The following GLDN variants were observed in gnomAD, a reference collection of about 807,000 sequenced individuals.
GLDN encodes the protein collomin.
A neutral mutation model predicts 56.5 loss-of-function variants in GLDN; 47 were observed. That is an observed-to-expected ratio of 0.83 (90% confidence interval 0.66 to 1.06). GLDN has a LOEUF of 1.06. GLDN is among the 50% of genes least tolerant of loss of function. The pLI, the probability that GLDN is intolerant of heterozygous loss-of-function variation, is 0.00. For synonymous variants in GLDN, 332 were observed against 278.8 expected (o/e 1.19, Z -1.90); for missense variants, 782 against 714.3 (o/e 1.09, Z -1.08).
At chr15:51,395,084 C>A in intron 5 of GLDN, 103 bp downstream of exon 5, 1 of 1,158,792 alleles carries the variant, frequency 8.6e-7, no homozygotes, top group Non-Finnish European at 1.2e-6. Context: ...CCTTTATGGC[C>A]TTATGTGGCC....
At chr15:51,394,044 C>T (rs2038073800) in intron 4 of GLDN, among the ~76,000 whole-genome samples, 1 of 152,216 alleles carries the variant, frequency 6.6e-6, no homozygotes, top group East Asian at 1.9e-4. Flanking sequence ...TCTGACTTGG[C>T]AGCATCTGTT....
chr15:51,350,360 G>C (rs1021085646), intron 1 of GLDN, among the ~76,000 whole-genome samples: 7 of 152,178 alleles, frequency 4.6e-5, no homozygotes, highest in African/African-American at 1.7e-4. Context: ...GGGGTTGGGG[G>C]AGCTGATGAG....
At position 51,341,987 on chromosome 15, in the gene GLDN, G is replaced by A. The variant is rs546818144; in HGVS notation, c.303G>A (p.Ala101=). 6.3e-7 allele frequency: 1 copy of A among 1,597,740 alleles called. No homozygotes were observed. The highest frequency in any genetic ancestry group is 1.1e-5 in the South Asian group (1 of 91,050). Residue 101 remains alanine, a synonymous_variant, in exon 1 of 10, where the codon GCG becomes GCA. Coordinates refer to ENST00000335449, the MANE Select transcript of GLDN (RefSeq NM_181789.4). The part of the protein sequence containing the change: ...RNKRSHSGEP[A]PHIRAESHDM... ...AGCGCAGCCACAGCGGCGAGCCCGC[G>A]CCGCATATCCGCGCCGAGAGCCATG...
At chr15:51,369,582 C>G (rs574346849) in intron 1 of GLDN, among the ~76,000 whole-genome samples, 1 of 152,286 alleles carries the variant, frequency 6.6e-6, no homozygotes, top group South Asian at 2.1e-4. Context: ...AAGAGAGCAG[C>G]CAGCCAAACA....
chr15:51,387,799 C>T (rs76175634), intron 4 of GLDN, among the ~76,000 whole-genome samples: 3,954 of 152,136 alleles, frequency 0.026, 191 homozygotes, highest in African/African-American at 0.092. Flanking sequence ...TGGGGTGTGC[C>T]CTCTAGCAAC....
intron 1 of GLDN, among the ~76,000 whole-genome samples, chr15:51,344,424 C>A (rs949864685): frequency 2.0e-5 from 3 of 152,304 alleles, no homozygotes; most frequent in African/African-American, 7.2e-5. Flanking sequence ...TTCAGCTTCA[C>A]AGTTTTCCTC....
At chr15:51,397,417 T>C in intron 5 of GLDN, 53 bp from the exon 6 acceptor site, 4 of 846,952 alleles carry the variant, frequency 4.7e-6, no homozygotes, top group Admixed American at 4.4e-5. Context: ...TCTCTCCCCT[T>C]CCCCCTTCTA....
At chr15:51,399,042 C>A (rs1408802743) in intron 6 of GLDN, among the ~76,000 whole-genome samples, 2 of 152,172 alleles carry the variant, frequency 1.3e-5, no homozygotes, top group South Asian at 4.1e-4. Context: ...CTTTGGTTGC[C>A]AAGCATTTGC....
chr15:51,399,076 G>A (rs749053438), intron 6 of GLDN, among the ~76,000 whole-genome samples: 27 of 152,136 alleles, frequency 1.8e-4, no homozygotes, highest in Non-Finnish European at 2.8e-4. Context: ...CCTCTCTCCT[G>A]CTCCAACTCC....
chr15:51,349,628 C>T (rs1184102007), intron 1 of GLDN, among the ~76,000 whole-genome samples: 1 of 152,224 alleles, frequency 6.6e-6, no homozygotes, highest in Non-Finnish European at 1.5e-5. Flanking sequence ...TGAATAGTTG[C>T]AGCAGAGACC....
intron 1 of GLDN, among the ~76,000 whole-genome samples, chr15:51,355,446 G>C (rs532918966): frequency 6.6e-6 from 1 of 152,096 alleles, no homozygotes; most frequent in East Asian, 1.9e-4. Flanking sequence ...GAGCAGTGAA[G>C]ATGACCAGAT....
chr15:51,344,215 T>G (rs2036937231), intron 1 of GLDN, among the ~76,000 whole-genome samples: 1 of 152,198 alleles, frequency 6.6e-6, no homozygotes, highest in South Asian at 2.1e-4. Flanking sequence ...CCAGAGATTC[T>G]GAATTAATTT....
intron 1 of GLDN, among the ~76,000 whole-genome samples, chr15:51,365,050 G>C (rs2037372824): frequency 6.6e-6 from 1 of 152,156 alleles, no homozygotes; most frequent in Non-Finnish European, 1.5e-5. Flanking sequence ...TTCAACAAAT[G>C]GCTCTAAAAT....
At chr15:51,386,096 C>G (rs2037885416) in intron 4 of GLDN, among the ~76,000 whole-genome samples, 1 of 152,130 alleles carries the variant, frequency 6.6e-6, no homozygotes, top group South Asian at 2.1e-4. Flanking sequence ...TGACCCCAAT[C>G]CTTGGTTTCT....
intron 4 of GLDN, chr15:51,384,816 C>T (rs2037853195): frequency 6.6e-6 from 1 of 152,268 alleles, no homozygotes; most frequent in Non-Finnish European, 1.5e-5. Flanking sequence ...GGAGACTCCA[C>T]TGCACCATCT....
intron 1 of GLDN, among the ~76,000 whole-genome samples, chr15:51,374,926 A>G (rs931163653): frequency 1.3e-5 from 2 of 151,868 alleles, no homozygotes; most frequent in Non-Finnish European, 2.9e-5. Flanking sequence ...TTCATGGAGA[A>G]AGGGTCTTAC....
chr15:51,391,171 C>T (rs56158617), intron 4 of GLDN, among the ~76,000 whole-genome samples: 5,884 of 152,222 alleles, frequency 0.039, 263 homozygotes, highest in African/African-American at 0.094. Context: ...ATTTCCCAAC[C>T]ACAGTAAAAC....
chr15:51,399,876 C>G (rs1026052356), intron 6 of GLDN, among the ~76,000 whole-genome samples: 1 of 152,214 alleles, frequency 6.6e-6, no homozygotes, highest in Non-Finnish European at 1.5e-5. Context: ...TCTCATTTCC[C>G]CAAATTGCTG....
chr15:51,406,351 T>C lies in GLDN; in HGVS notation c.*1597T>C, dbSNP rs2038383013. The C allele has an allele frequency of 1.3e-5, 2 of 152,170 alleles. No homozygotes were observed. Among genetic ancestry groups the C allele is most frequent in the Admixed American group, 1.3e-4 (2 of 15,280 alleles). The allele number at this position is 152,170 out of a possible 1,614,324, so 9.4% of individuals were successfully genotyped here. A position where few individuals can be genotyped will look rare whatever the true frequency, so the allele number is the denominator to read the frequency against. On this transcript the variant is annotated 3_prime_UTR_variant, in exon 10 of 10. Transcript: ENST00000335449. ...GCGAATAGAGAGGAAGCTGGAAAAGTTCCTGGGGCTCTGCAGCCAGGAAGG... is the reference window on the plus strand; with the variant it reads ...GCGAATAGAGAGGAAGCTGGAAAAGCTCCTGGGGCTCTGCAGCCAGGAAGG...
Sources: gnomAD v4.1 joint callset for allele counts (sites outside exome capture counted in the v4.1 genomes callset) on GRCh38, gnomAD v4.1.1 for gene constraint, MANE v1.5 for transcripts, NCBI Gene and HGNC (gene_info 2026-07-23, HGNC 2026-07-21) for gene names.